The following PTPRD variants were observed in gnomAD, a reference collection of about 807,000 sequenced individuals.
PTPRD encodes protein tyrosine phosphatase receptor type D.
PTPRD carries 34 observed loss-of-function variants against 214.5 expected under a neutral mutation model. That is an observed-to-expected ratio of 0.16 (90% CI 0.12 to 0.21). The LOEUF is 0.21. Among genes scored for constraint, PTPRD ranks in the 10% least tolerant of loss-of-function variants. The pLI is 1.00. For missense variants in PTPRD, 2,545 were observed against 2,398.7 expected, an observed-to-expected ratio of 1.06 and a Z score of -1.27; for synonymous variants, 1,128 against 845.7, an observed-to-expected ratio of 1.33 and a Z score of -5.79.
intron 8 of PTPRD, among the ~76,000 whole-genome samples, chr9:9,412,861 C>G (rs986624570): frequency 1.3e-5 from 2 of 152,062 alleles, no homozygotes; most frequent in African/African-American, 2.4e-5. Flanking sequence ...ACTTTTTGTA[C>G]TCTCTCAAGA....
chr9:8,996,429 G>C (rs560235181), intron 11 of PTPRD, among the ~76,000 whole-genome samples: 1 of 152,058 alleles, frequency 6.6e-6, no homozygotes, highest in Non-Finnish European at 1.5e-5. Flanking sequence ...GAAAAACGTA[G>C]GGGCAGCAAA....
At chr9:9,780,517 T>C (rs2098834871) in intron 5 of PTPRD, among the ~76,000 whole-genome samples, 1 of 152,180 alleles carries the variant, frequency 6.6e-6, no homozygotes, top group Non-Finnish European at 1.5e-5. Flanking sequence ...TGATCATATA[T>C]CATTGGTAAC....
At chr9:9,525,102 C>T (rs2073800788) in intron 8 of PTPRD, among the ~76,000 whole-genome samples, 1 of 152,196 alleles carries the variant, frequency 6.6e-6, no homozygotes, top group South Asian at 2.1e-4. Context: ...CATGATCCAC[C>T]CGCCTCAGCA....
At chr9:9,150,036 C>A (rs1452135975) in intron 10 of PTPRD, among the ~76,000 whole-genome samples, 1 of 152,132 alleles carries the variant, frequency 6.6e-6, no homozygotes, top group Non-Finnish European at 1.5e-5. Flanking sequence ...GTGCTGCTGC[C>A]CATCACCTAA....
chr9:8,331,886 G>A (rs1438767796), intron 43 of PTPRD, 150 bp from the exon 44 acceptor site: 2 of 880,662 alleles, frequency 2.3e-6, no homozygotes, highest in South Asian at 2.1e-5. Flanking sequence ...ACTTAGTTAT[G>A]GTTTATCTGC....
intron 9 of PTPRD, among the ~76,000 whole-genome samples, chr9:9,384,183 A>G (rs141927622): frequency 4.1e-4 from 63 of 151,898 alleles, no homozygotes; most frequent in African/African-American, 1.5e-3. Flanking sequence ...TGTGTTACTT[A>G]CATAAAATCA....
intron 2 of PTPRD, among the ~76,000 whole-genome samples, chr9:10,604,652 T>G (rs1045257311): frequency 3.3e-5 from 5 of 151,780 alleles, no homozygotes; most frequent in African/African-American, 1.2e-4. Context: ...AGAAAACAAA[T>G]GGCTAGCACA....
At chr9:9,932,983 C>T (rs1430774615) in intron 5 of PTPRD, among the ~76,000 whole-genome samples, 1 of 150,046 alleles carries the variant, frequency 6.7e-6, no homozygotes, top group South Asian at 2.2e-4. Context: ...AACTAAGCTT[C>T]ATAAGTGAAG....
intron 8 of PTPRD, among the ~76,000 whole-genome samples, chr9:9,399,024 C>T (rs1332799): frequency 0.87 from 132,130 of 151,960 alleles, 57,566 homozygotes; most frequent in Middle Eastern, 0.89. Context: ...GGGCCCACAA[C>T]CACTTTAGAC....
chr9:9,307,740 A>G (rs985092140), intron 9 of PTPRD, among the ~76,000 whole-genome samples: 6 of 152,216 alleles, frequency 3.9e-5, no homozygotes, highest in Non-Finnish European at 8.8e-5. Context: ...TAACTTTCAG[A>G]TTAAAATTCA....
chr9:9,472,012 A>T (rs1166993745), intron 8 of PTPRD, among the ~76,000 whole-genome samples: 1 of 152,094 alleles, frequency 6.6e-6, no homozygotes, highest in African/African-American at 2.4e-5. Context: ...ATAGACCATT[A>T]CCTACTTATG....
intron 35 of PTPRD, among the ~76,000 whole-genome samples, chr9:8,409,396 T>C (rs905765957): frequency 2.0e-5 from 3 of 152,090 alleles, no homozygotes; most frequent in Non-Finnish European, 4.4e-5. Context: ...TCCTTGAAGG[T>C]TTCACACTTG....
chr9:9,202,270 T>A (rs2099942318), intron 9 of PTPRD, among the ~76,000 whole-genome samples: 1 of 152,198 alleles, frequency 6.6e-6, no homozygotes, highest in South Asian at 2.1e-4. Context: ...TATTGCAGTC[T>A]TACCTTTCTA....
At chr9:10,470,916 G>C (rs1337133259) in intron 2 of PTPRD, among the ~76,000 whole-genome samples, 1 of 151,996 alleles carries the variant, frequency 6.6e-6, no homozygotes, top group African/African-American at 2.4e-5. Context: ...CCATCAATGA[G>C]AAACTGGATA....
chr9:8,393,794 A>G (rs1233567188), intron 36 of PTPRD, among the ~76,000 whole-genome samples: 1 of 152,188 alleles, frequency 6.6e-6, no homozygotes, highest in African/African-American at 2.4e-5. Flanking sequence ...TAGACCCTCT[A>G]ACTTCATATT....
intron 3 of PTPRD, among the ~76,000 whole-genome samples, chr9:10,113,492 A>G (rs1365314930): frequency 2.0e-5 from 3 of 152,172 alleles, no homozygotes; most frequent in Non-Finnish European, 2.9e-5. Context: ...AATATACCAG[A>G]GACTTTGTAT....
chr9:10,514,187 A>AATTT (rs2049214849), intron 2 of PTPRD, among the ~76,000 whole-genome samples: 1 of 152,054 alleles, frequency 6.6e-6, no homozygotes, highest in Non-Finnish European at 1.5e-5. Context: ...AATAAATACA[A>AATTT]ATTTATACAT....
intron 4 of PTPRD, among the ~76,000 whole-genome samples, chr9:9,967,262 A>G (rs2094770727): frequency 6.6e-6 from 1 of 151,790 alleles, no homozygotes; most frequent in Admixed American, 6.6e-5. Flanking sequence ...TACATGCACT[A>G]CACTGAATGT....
chr9:10,005,388 C>G (rs1319954956), intron 4 of PTPRD, among the ~76,000 whole-genome samples: 1 of 152,124 alleles, frequency 6.6e-6, no homozygotes. Flanking sequence ...CTACTGTGCT[C>G]AGTTCCTGCG....
Sources: allele counts gnomAD v4.1 joint callset (sites outside exome capture counted in the v4.1 genomes callset), GRCh38; gene constraint gnomAD v4.1.1; transcripts MANE v1.5; gene names NCBI Gene and HGNC (gene_info 2026-07-23, HGNC 2026-07-21).